Variants in SRBD1 observed in about 807,000 individuals in gnomAD.
The protein encoded by SRBD1 is S1 RNA-binding domain-containing protein 1.
In SRBD1, 88 loss-of-function variants were observed where a neutral mutation model predicts 115.3. That is an observed-to-expected ratio of 0.76 (90% CI 0.64 to 0.91). The LOEUF (loss-of-function observed/expected upper bound fraction) is 0.91. Among genes scored for constraint, SRBD1 ranks in the 40% least tolerant of loss-of-function variants. The pLI, the probability that SRBD1 is intolerant of heterozygous loss-of-function variation, is 0.00. For synonymous variants in SRBD1, 509 were observed against 407.7 expected (o/e 1.25, Z -2.99); for missense variants, 1,385 against 1,177.4 (o/e 1.18, Z -2.58).
At chr2:45,404,588 GA>G (rs1667376943) in intron 19 of SRBD1, among the ~76,000 whole-genome samples, 1 of 152,052 alleles carries the variant, frequency 6.6e-6, no homozygotes, top group African/African-American at 2.4e-5. Flanking sequence ...TCCAGAATCT[GA>G]ACACTTCTCA....
At chr2:45,553,315 T>G (rs1265733051) in intron 11 of SRBD1, among the ~76,000 whole-genome samples, 1 of 152,252 alleles carries the variant, frequency 6.6e-6, no homozygotes, top group African/African-American at 2.4e-5. Context: ...GATTTCCTTA[T>G]GCTTTCTTTG....
intron 18 of SRBD1, among the ~76,000 whole-genome samples, chr2:45,414,927 A>C (rs1449332206): frequency 2.8e-5 from 1 of 35,188 alleles, no homozygotes; most frequent in Non-Finnish European, 8.3e-5. Flanking sequence ...TAGTATGTAC[A>C]CACACAGTGT....
intron 14 of SRBD1, among the ~76,000 whole-genome samples, chr2:45,505,844 G>C (rs1670780963): frequency 6.6e-6 from 1 of 152,106 alleles, no homozygotes; most frequent in South Asian, 2.1e-4. Flanking sequence ...CTGATCTCTG[G>C]ACTGTTAGGT....
chr2:45,603,828 C>G (rs570309673), intron 2 of SRBD1, among the ~76,000 whole-genome samples: 2 of 152,270 alleles, frequency 1.3e-5, no homozygotes, highest in African/African-American at 4.8e-5. Flanking sequence ...CCACACCCAG[C>G]TGGGAATCTC....
chr2:45,546,822 A>G lies in SRBD1; in HGVS notation c.1784T>C (p.Ile595Thr), dbSNP rs760981015. Residue 595 changes from isoleucine to threonine, a missense_variant, in exon 14 of 21, where the codon ATT becomes ACT. Ile to Thr is a moderately conservative substitution (Grantham distance 89, BLOSUM62 -1). Transcript: ENST00000263736. ...TTCCCTGCAGGCAGTTCCATTTCCA[A>G]TCACTACTGTGCTGCAGCTTCAAGG... ...LLNFNCSTVV[I>T]GNGTACRETE... The G allele has an allele frequency of 1.2e-6, 2 of 1,614,118 alleles. No homozygotes were observed. The highest frequency in any genetic ancestry group is 1.7e-6 in the Non-Finnish European group (2 of 1,179,988).
intron 4 of SRBD1, among the ~76,000 whole-genome samples, chr2:45,597,402 A>G (rs1448368794): frequency 1.3e-5 from 2 of 151,538 alleles, no homozygotes; most frequent in Non-Finnish European, 2.9e-5. Context: ...CCTGGGCGAC[A>G]GAGTGAGACT....
intron 16 of SRBD1, among the ~76,000 whole-genome samples, chr2:45,421,082 T>C (rs1419289440): frequency 6.6e-6 from 1 of 152,218 alleles, no homozygotes; most frequent in East Asian, 1.9e-4. Flanking sequence ...GTGAAAGGTG[T>C]GCAGTTCAGT....
At chr2:45,412,803 T>C (rs894383597) in intron 19 of SRBD1, among the ~76,000 whole-genome samples, 1 of 152,240 alleles carries the variant, frequency 6.6e-6, no homozygotes, top group Non-Finnish European at 1.5e-5. Context: ...ACAAGTTTTA[T>C]GCCAGGTGCT....
At chr2:45,580,464 G>C (rs1241744899) in intron 6 of SRBD1, among the ~76,000 whole-genome samples, 3 of 148,344 alleles carry the variant, frequency 2.0e-5, no homozygotes, top group African/African-American at 7.5e-5. Context: ...TCTTGCCTCA[G>C]TCTCCCAGGT....
intron 14 of SRBD1, among the ~76,000 whole-genome samples, chr2:45,496,930 AAC>A (rs1388604211): frequency 6.6e-6 from 1 of 152,186 alleles, no homozygotes; most frequent in Non-Finnish European, 1.5e-5. Flanking sequence ...AAATCCTGAA[AAC>A]ACATGCTATG....
At chr2:45,526,957 TAAC>T (rs1671461656) in intron 14 of SRBD1, among the ~76,000 whole-genome samples, 1 of 151,956 alleles carries the variant, frequency 6.6e-6, no homozygotes, top group Non-Finnish European at 1.5e-5. Context: ...AAAGTACTGA[TAAC>T]GTTACATGTC....
intron 15 of SRBD1, among the ~76,000 whole-genome samples, chr2:45,482,385 G>T (rs1157087212): frequency 6.6e-6 from 1 of 152,020 alleles, no homozygotes; most frequent in African/African-American, 2.4e-5. Context: ...AATTAGTTGG[G>T]TAGTTTCAAG....
At chr2:45,574,035 G>A (rs569304936) in intron 8 of SRBD1, among the ~76,000 whole-genome samples, 2 of 151,994 alleles carry the variant, frequency 1.3e-5, no homozygotes, top group African/African-American at 4.8e-5. Flanking sequence ...CAAAAATAGG[G>A]TTTTTAATTA....
chr2:45,481,302 T>G (rs922754756), intron 15 of SRBD1, among the ~76,000 whole-genome samples: 2 of 152,160 alleles, frequency 1.3e-5, no homozygotes, highest in Non-Finnish European at 2.9e-5. Flanking sequence ...TAATCAAGAA[T>G]GCGTTATTTA....
rs1667899933 is a variant in SRBD1 at position 45,418,468 on chromosome 2, T to G, written c.2230A>C (p.Asn744His). ...TTCACTTTCTTCAGCTGTTCTCGGT[T>G]GATAAAGGGTCCATTTTTCTCTCGC... ...EWREKNGPFINREQLKKVKGL... is the reference protein window; with the variant it reads ...EWREKNGPFIHREQLKKVKGL... Residue 744 changes from asparagine to histidine, a missense_variant, in exon 18 of 21, where the codon AAC becomes CAC. Physicochemically the swap from Asn to His is moderately conservative, Grantham distance 68. Transcript: ENST00000263736. 6.2e-7 allele frequency: 1 copy of G among 1,613,838 alleles called. No homozygotes were observed. Among genetic ancestry groups the G allele is most frequent in the South Asian group, 1.1e-5 (1 of 91,072 alleles).
intron 9 of SRBD1, among the ~76,000 whole-genome samples, chr2:45,569,004 T>C (rs1025206097): frequency 2.6e-5 from 4 of 152,228 alleles, no homozygotes; most frequent in Non-Finnish European, 4.4e-5. Flanking sequence ...TTAGATATAA[T>C]AGTGAAACAT....
chr2:45,572,074 G>C (rs1407862857), intron 9 of SRBD1, among the ~76,000 whole-genome samples: 1 of 152,064 alleles, frequency 6.6e-6, no homozygotes, highest in African/African-American at 2.4e-5. Flanking sequence ...CCCATGACAA[G>C]ACACATTATA....
At chr2:45,545,905 G>C (rs1672105863) in intron 14 of SRBD1, among the ~76,000 whole-genome samples, 1 of 152,156 alleles carries the variant, frequency 6.6e-6, no homozygotes, top group Non-Finnish European at 1.5e-5. Flanking sequence ...TCCTGTGTTA[G>C]GTTTTACTTT....
Position 45,419,821 on chromosome 2 carries a change from A to G in SRBD1, c.2123T>C (p.Val708Ala), listed in dbSNP as rs1471591126. 6.2e-7 allele frequency: 1 copy of G among 1,613,598 alleles called. No individual in the cohort carries two copies. Among genetic ancestry groups the G allele is most frequent in the East Asian group, 2.2e-5 (1 of 44,856 alleles). ...VVEECVSFVGVDINICSEVLL... is the reference protein window; with the variant it reads ...VVEECVSFVGADINICSEVLL... The stretch of plus-strand genomic sequence containing the variant: ...AACTTCTGAACAGATGTTAATATCC[A>G]CTCCCACAAAGCTGACACATTCTTC... The change falls in exon 17 of 21, where the codon GTG (valine) becomes GCG (alanine). Residue 708 changes from valine (V) to alanine (A), a missense_variant. By Grantham distance (64) the Val-to-Ala change is moderately conservative. Transcript: ENST00000263736.
Sources: allele counts gnomAD v4.1 joint callset (sites outside exome capture counted in the v4.1 genomes callset), GRCh38; gene constraint gnomAD v4.1.1; transcripts MANE v1.5; gene names NCBI Gene and HGNC (gene_info 2026-07-23, HGNC 2026-07-21).